CSMD3: variants seen among roughly 807,000 people sequenced by gnomAD.
CSMD3 encodes the protein CUB and Sushi multiple domains 3, also known as CUB and sushi domain-containing protein 3.
In CSMD3, 177 loss-of-function variants were observed where a neutral mutation model predicts 435.2. That is an observed-to-expected ratio of 0.41 (90% CI 0.36 to 0.46). The LOEUF (loss-of-function observed/expected upper bound fraction) is 0.46, where lower values mean the gene tolerates loss of function less well. Among genes scored for constraint, CSMD3 ranks in the 20% least tolerant of loss-of-function variants. The probability of loss-of-function intolerance (pLI) is 0.34; values close to 1 mark genes in which losing one functional copy is unlikely to be tolerated. For synonymous variants in CSMD3, 1,656 were observed against 1,520.5 expected, an observed-to-expected ratio of 1.09 and a Z score of -2.07; for missense variants, 4,265 against 4,504.6, an observed-to-expected ratio of 0.95 and a Z score of 1.52.
At chr8:112,326,508 C>A (rs1387579180) in intron 45 of CSMD3, among the ~76,000 whole-genome samples, 3 of 152,050 alleles carry the variant, frequency 2.0e-5, no homozygotes, top group South Asian at 2.1e-4. Context: ...TTATAAAGTG[C>A]TTAGAATAAG....
chr8:112,892,522 G>A (rs2081826689), intron 10 of CSMD3, among the ~76,000 whole-genome samples: 2 of 151,506 alleles, frequency 1.3e-5, no homozygotes, highest in African/African-American at 4.8e-5. Flanking sequence ...ATAAAAGGAA[G>A]AATACAGGTA....
At chr8:112,227,485 T>C (rs1812679563) in intron 70 of CSMD3, among the ~76,000 whole-genome samples, 2 of 152,212 alleles carry the variant, frequency 1.3e-5, no homozygotes, top group South Asian at 2.1e-4. Context: ...ACAGTAGTGA[T>C]GGTTGCATGG....
intron 13 of CSMD3, among the ~76,000 whole-genome samples, chr8:112,750,783 A>G (rs544857105): frequency 6.6e-6 from 1 of 152,242 alleles, no homozygotes; most frequent in Admixed American, 6.5e-5. Flanking sequence ...AGTTTATTAA[A>G]AAAAAGTTCT....
chr8:112,271,842 G>T (rs1279108021), intron 59 of CSMD3, among the ~76,000 whole-genome samples: 1 of 152,104 alleles, frequency 6.6e-6, no homozygotes, highest in Non-Finnish European at 1.5e-5. Flanking sequence ...TAGTGCTATG[G>T]TTTTAATATC....
At chr8:113,145,079 T>C (rs1437601698) in intron 4 of CSMD3, among the ~76,000 whole-genome samples, 1 of 151,418 alleles carries the variant, frequency 6.6e-6, no homozygotes. Context: ...GAAGTGTCTG[T>C]GTGCAGAACT....
At chr8:112,876,540 A>G (rs1465936929) in intron 10 of CSMD3, among the ~76,000 whole-genome samples, 6 of 152,188 alleles carry the variant, frequency 3.9e-5, no homozygotes, top group Non-Finnish European at 1.5e-5. Flanking sequence ...ATGCAAATCA[A>G]TAACCATAAT....
chr8:113,006,459 G>T (rs2086060022), intron 6 of CSMD3, among the ~76,000 whole-genome samples: 1 of 151,992 alleles, frequency 6.6e-6, no homozygotes, highest in Admixed American at 6.6e-5. Context: ...TTTAGCACCA[G>T]CCTAGTAGGG....
intron 1 of CSMD3, chr8:113,376,894 G>T: frequency 6.2e-7 from 1 of 1,600,662 alleles, no homozygotes; most frequent in Non-Finnish European, 8.5e-7. Flanking sequence ...TCCTGGCCGG[G>T]AAAACAAAAC....
rs578094889 is a variant in CSMD3 at position 112,593,912 on chromosome 8, G to A, written c.3716-6677C>T. Among the ~76,000 whole-genome samples, 8 of 152,096 alleles carry A rather than the reference G, an allele frequency of 5.3e-5. No homozygotes were observed. The East Asian group carries it at 1.5e-3, about 29-fold the overall frequency. ...TGAAGGAAGGGTCTTTTTGTTTTTTGATGTTTTTGTCTTTGGTTTTGTTTT... is the reference window on the plus strand; with the variant it reads ...TGAAGGAAGGGTCTTTTTGTTTTTTAATGTTTTTGTCTTTGGTTTTGTTTT... On this transcript the variant is annotated intron_variant, in intron 22 of 70. Transcript: ENST00000297405.
intron 2 of CSMD3, among the ~76,000 whole-genome samples, chr8:113,304,665 C>CA (rs2093803034): frequency 7.8e-6 from 1 of 127,902 alleles, no homozygotes; most frequent in Non-Finnish European, 1.6e-5. Flanking sequence ...ATCACAAGAA[C>CA]AAAAAACCAA....
intron 3 of CSMD3, among the ~76,000 whole-genome samples, chr8:113,251,171 A>T (rs931142122): frequency 6.6e-6 from 1 of 152,230 alleles, no homozygotes; most frequent in East Asian, 1.9e-4. Flanking sequence ...TTATAAACCC[A>T]TATTTGGATA....
intron 12 of CSMD3, among the ~76,000 whole-genome samples, chr8:112,827,164 A>ATAT (rs1564000272): frequency 0.035 from 2,917 of 82,628 alleles, 549 homozygotes; most frequent in East Asian, 0.05. Flanking sequence ...GGTTACCATA[A>ATAT]ATATATATAT....
chr8:112,861,363 T>G (rs1307559077), intron 10 of CSMD3, among the ~76,000 whole-genome samples: 5 of 151,894 alleles, frequency 3.3e-5, no homozygotes, highest in Admixed American at 2.6e-4. Context: ...GAGTATAAAA[T>G]TATTCCTGTG....
intron 22 of CSMD3, among the ~76,000 whole-genome samples, chr8:112,625,263 G>C (rs1423400465): frequency 6.6e-6 from 1 of 152,128 alleles, no homozygotes; most frequent in East Asian, 1.9e-4. Flanking sequence ...TACAAGGCAA[G>C]CCTTAGTTCA....
At position 113,409,022 on chromosome 8, in the gene CSMD3, C is replaced by T. The variant is rs530349541; in HGVS notation, c.178+27655G>A. Among the ~76,000 whole-genome samples the T allele has an allele frequency of 7.3e-4, 111 of 151,066 alleles. 3 individuals are homozygous for T. In the South Asian group the frequency reaches 0.023, roughly 31 times the overall value. ...CAAGAGTTTCTCGGCCCATAGCCAA[C>T]AGTGCTTTATTTCTGAAACCATTCC... On this transcript the variant is annotated intron_variant, in intron 1 of 70. Coordinates refer to ENST00000297405, the MANE Select transcript of CSMD3 (RefSeq NM_198123.2).
chr8:112,653,041 T>A (rs1384896166), intron 18 of CSMD3, among the ~76,000 whole-genome samples: 2 of 152,100 alleles, frequency 1.3e-5, no homozygotes, highest in Non-Finnish European at 2.9e-5. Flanking sequence ...GGTCTCAAAC[T>A]AATGACCTCA....
rs567650078 is a variant in CSMD3, at chr8:112,709,079, C to T, written c.1973-19029G>A. On this transcript the variant is annotated intron_variant, in intron 13 of 70. Transcript: ENST00000297405. ...TCTGAATAAGTAGCCTTGATTTATT[C>T]CCATTTGCATGGTCTTCATTTATTT... 5.9e-5 allele frequency among the ~76,000 whole-genome samples: 9 copies of T among 152,156 alleles called. No homozygotes were observed. In the East Asian group the frequency reaches 1.7e-3, roughly 29 times the overall value.
chr8:113,039,634 A>T (rs139496594), intron 5 of CSMD3, among the ~76,000 whole-genome samples: 1,561 of 152,292 alleles, frequency 0.01, 21 homozygotes, highest in African/African-American at 0.036. Context: ...AAATAAAAGC[A>T]CATAAGTGGC....
At chr8:113,375,969 T>C (rs1212489448) in intron 1 of CSMD3, among the ~76,000 whole-genome samples, 1 of 152,204 alleles carries the variant, frequency 6.6e-6, no homozygotes, top group Non-Finnish European at 1.5e-5. Flanking sequence ...TGTGTTCTTT[T>C]AATGTCATAC....
Sources: gnomAD v4.1 joint callset for allele counts (sites outside exome capture counted in the v4.1 genomes callset) on GRCh38, gnomAD v4.1.1 for gene constraint, MANE v1.5 for transcripts, NCBI Gene and HGNC (gene_info 2026-07-23, HGNC 2026-07-21) for gene names.